Variants in STK38 observed in about 807,000 individuals in gnomAD.
STK38 encodes the protein serine/threonine-protein kinase 38.
STK38 carries 26 observed loss-of-function variants against 59.0 expected under a neutral mutation model. The observed-to-expected ratio is 0.44, with a 90% CI of 0.32 to 0.61. The LOEUF is 0.61. Ranked by LOEUF, STK38 falls within the 20% of genes least tolerant of loss-of-function variation. STK38 has a pLI of 0.04. For synonymous variants in STK38, 175 were observed against 176.6 expected (o/e 0.99, Z 0.07); for missense variants, 433 against 566.0 (o/e 0.76, Z 2.38).
chr6:36,499,472 A>G (rs1776786964), intron 10 of STK38, among the ~76,000 whole-genome samples: 1 of 152,094 alleles, frequency 6.6e-6, no homozygotes, highest in East Asian at 1.9e-4. Context: ...CCAATACAAT[A>G]AGAGGGAGAG....
Position 36,500,287 on chromosome 6 carries a change from TAATA to T in STK38, c.835-301_835-298del, listed in dbSNP as rs1175764819. Among the ~76,000 whole-genome samples, 4 of 152,006 alleles carry T rather than the reference TAATA, an allele frequency of 2.6e-5. No individual in the cohort carries two copies. In the East Asian group the frequency reaches 5.8e-4, roughly 22 times the overall value. Reference sequence around the variant, plus strand: ...CCCATTAAGTACTAGGCTCTGTACTTAATATATATATTACATGAGTTTTATATAT... The same window carrying T: ...CCCATTAAGTACTAGGCTCTGTACTTTATATATTACATGAGTTTTATATAT... On this transcript the variant is annotated intron_variant, in intron 9 of 13. Coordinates refer to ENST00000229812, the MANE Select transcript of STK38 (RefSeq NM_007271.4).
At chr6:36,538,631 G>C (rs1196445805) in intron 2 of STK38, among the ~76,000 whole-genome samples, 1 of 152,128 alleles carries the variant, frequency 6.6e-6, no homozygotes, top group African/African-American at 2.4e-5. Context: ...GGATTGGCCG[G>C]GCACAGTGGC....
chr6:36,525,293 T>C (rs533457617), intron 3 of STK38, among the ~76,000 whole-genome samples: 1 of 151,838 alleles, frequency 6.6e-6, no homozygotes, highest in African/African-American at 2.4e-5. Flanking sequence ...TTTCAGTGAA[T>C]TCTATAAAAA....
At chr6:36,511,663 C>T (rs1300207160) in intron 7 of STK38, among the ~76,000 whole-genome samples, 1 of 151,778 alleles carries the variant, frequency 6.6e-6, no homozygotes, top group Non-Finnish European at 1.5e-5. Context: ...GCCTCAGTAT[C>T]TTTTTTTGCA....
intron 2 of STK38, among the ~76,000 whole-genome samples, chr6:36,527,329 TAC>T (rs139104829): frequency 0.025 from 3,606 of 145,136 alleles, 55 homozygotes; most frequent in Non-Finnish European, 0.027. Flanking sequence ...CACATATATA[TAC>T]ACACACATAT....
intron 2 of STK38, among the ~76,000 whole-genome samples, chr6:36,538,283 AAC>A (rs2127490549): frequency 6.6e-6 from 1 of 151,806 alleles, no homozygotes; most frequent in African/African-American, 2.4e-5. Context: ...CAGCCTGGGC[AAC>A]AGAGTGAGAC....
At position 36,498,212 on chromosome 6, in the gene STK38, G is replaced by GT. The variant is rs1776752359; in HGVS notation, c.1076+150dup. 14 of 1,145,772 alleles carry GT rather than the reference G, an allele frequency of 1.2e-5. No individual in the cohort carries two copies. The South Asian group carries it at 2.1e-4, about 17-fold the overall frequency. 71.0% of individuals were successfully genotyped at this position (1,145,772 alleles called of 1,614,324 possible). On this transcript the variant is annotated intron_variant, in intron 11 of 13. Coordinates refer to ENST00000229812, the MANE Select transcript of STK38 (RefSeq NM_007271.4). Reference sequence around the variant, plus strand: ...CTCCCAAAGTGCTGGAATTATAGGCGTAAGCCACCATGCACAGCCTTTTTA... The same window carrying GT: ...CTCCCAAAGTGCTGGAATTATAGGCGTTAAGCCACCATGCACAGCCTTTTTA...
At chr6:36,545,490 G>A (rs967866258) in intron 1 of STK38, among the ~76,000 whole-genome samples, 4 of 151,950 alleles carry the variant, frequency 2.6e-5, no homozygotes, top group African/African-American at 9.7e-5. Context: ...TCAACTTTTA[G>A]AGTTTCTAAT....
At chr6:36,496,896 G>T in intron 12 of STK38, 91 bp from the exon 13 acceptor site, 3 of 825,756 alleles carry the variant, frequency 3.6e-6, no homozygotes, top group Non-Finnish European at 5.6e-6. Flanking sequence ...CCCCTGGTCT[G>T]ACATGAGAAG....
intron 7 of STK38, among the ~76,000 whole-genome samples, chr6:36,514,267 C>G (rs1456193157): frequency 6.7e-6 from 1 of 148,216 alleles, no homozygotes; most frequent in African/African-American, 2.5e-5. Context: ...TGAGCTATAA[C>G]TGTGCCACTG....
At chr6:36,543,500 T>C (rs1777989566) in intron 1 of STK38, among the ~76,000 whole-genome samples, 2 of 152,114 alleles carry the variant, frequency 1.3e-5, no homozygotes, top group Non-Finnish European at 2.9e-5. Flanking sequence ...ATCCCATCAC[T>C]TTGGGAGGGT....
At chr6:36,524,833 C>T (rs1777471376) in intron 3 of STK38, among the ~76,000 whole-genome samples, 1 of 151,890 alleles carries the variant, frequency 6.6e-6, no homozygotes, top group African/African-American at 2.4e-5. Context: ...GGCTTAAACA[C>T]TGTATACTCT....
chr6:36,542,428 CA>C (rs1250805844), intron 1 of STK38, among the ~76,000 whole-genome samples: 3 of 152,062 alleles, frequency 2.0e-5, no homozygotes, highest in South Asian at 4.1e-4. Flanking sequence ...TCATTTTACA[CA>C]AGAAAAAAAC....
At chr6:36,527,205 AAAATATATGT>A (rs1361038426) in intron 2 of STK38, among the ~76,000 whole-genome samples, 23 of 112,760 alleles carry the variant, frequency 2.0e-4, no homozygotes, top group Non-Finnish European at 3.6e-4. Context: ...AAAAAAAAAA[AAAATATATGT>A]ATATATATAT....
At chr6:36,517,555 C>T (rs908813424) in intron 6 of STK38, among the ~76,000 whole-genome samples, 162 bp downstream of exon 6, 5 of 152,046 alleles carry the variant, frequency 3.3e-5, no homozygotes, top group Non-Finnish European at 1.5e-5. Context: ...AAAGGCACCC[C>T]AGCACAAGAC....
At chr6:36,516,172 C>T (rs868388977) in intron 6 of STK38, among the ~76,000 whole-genome samples, 2 of 152,188 alleles carry the variant, frequency 1.3e-5, no homozygotes, top group East Asian at 3.8e-4. Flanking sequence ...TAAATGGACA[C>T]TAGTACCCTT....
At chr6:36,513,927 G>C (rs1285765911) in intron 7 of STK38, among the ~76,000 whole-genome samples, 1 of 150,280 alleles carries the variant, frequency 6.7e-6, no homozygotes, top group Non-Finnish European at 1.5e-5. Context: ...AGGCCAAGGC[G>C]GGCAGATCAC....
intron 2 of STK38, among the ~76,000 whole-genome samples, chr6:36,531,575 T>C (rs566920479): frequency 4.3e-4 from 66 of 152,288 alleles, no homozygotes; most frequent in South Asian, 1.2e-3. Context: ...AAAGCTGCCA[T>C]TGAAGGCAAA....
At chr6:36,527,200 A>AT (rs1486350593) in intron 2 of STK38, among the ~76,000 whole-genome samples, 8 of 133,640 alleles carry the variant, frequency 6.0e-5, no homozygotes, top group African/African-American at 1.7e-4. Context: ...TCAAAAAAAA[A>AT]AAAAAAAATA....
Sources: gnomAD v4.1 joint callset for allele counts (sites outside exome capture counted in the v4.1 genomes callset) on GRCh38, gnomAD v4.1.1 for gene constraint, MANE v1.5 for transcripts, NCBI Gene and HGNC (gene_info 2026-07-23, HGNC 2026-07-21) for gene names.